VPS13D: variants seen among roughly 807,000 people sequenced by gnomAD.
The protein encoded by VPS13D is vacuolar protein sorting 13 homolog D, also known as intermembrane lipid transfer protein VPS13D.
VPS13D carries 187 observed loss-of-function variants against 461.9 expected under a neutral mutation model. The ratio of observed to expected loss-of-function variants is 0.40; its 90% CI spans 0.36 to 0.46. VPS13D has a LOEUF of 0.46. Ranked by LOEUF, VPS13D falls within the 20% of genes least tolerant of loss-of-function variation. The probability of loss-of-function intolerance (pLI) is 0.60; values close to 1 mark genes in which losing one functional copy is unlikely to be tolerated. For missense variants in VPS13D, 4,711 were observed against 5,364.9 expected, an observed-to-expected ratio of 0.88 and a Z score of 3.81; for synonymous variants, 1,951 against 1,986.3, an observed-to-expected ratio of 0.98 and a Z score of 0.47.
Position 12,322,699 on chromosome 1 carries a change from G to T in VPS13D, c.7868G>T (p.Gly2623Val). ...GTYLPGASRVGEEIREGTRHT... is the reference protein window; with the variant it reads ...GTYLPGASRVVEEIREGTRHT... ...TACCTTCCAGGTGCATCTCGCGTTG[G>T]AGAGGAAATCAGAGAAGGGACAAGA... is the stretch of plus-strand genomic sequence containing the variant. Residue 2623 changes from glycine (G) to valine (V), a missense_variant, in exon 34 of 70, where the codon GGA becomes GTA. Coordinates refer to ENST00000620676, the MANE Select transcript of VPS13D (RefSeq NM_015378.4). 6 of 1,614,174 alleles carry T rather than the reference G, an allele frequency of 3.7e-6. No individual in the cohort carries two copies. The highest frequency in any genetic ancestry group is 4.2e-6 in the Non-Finnish European group (5 of 1,180,026).
At chr1:12,449,924 A>G (rs1026455446) in intron 65 of VPS13D, among the ~76,000 whole-genome samples, 5 of 152,186 alleles carry the variant, frequency 3.3e-5, no homozygotes, top group African/African-American at 9.7e-5. Context: ...CAGGAGTTCA[A>G]GACCAACCTG....
chr1:12,336,543 G>C (rs1463715316), intron 39 of VPS13D: 5 of 152,252 alleles, frequency 3.3e-5, no homozygotes, highest in African/African-American at 4.8e-5. Context: ...GGGAGTCTTG[G>C]CTGGACTTCA....
Position 12,400,964 on chromosome 1 carries a change from A to ACG in VPS13D, c.11784+635_11784+636insGC, listed in dbSNP as rs1188068508. ...GTGAGATGTGCACCTGCGCGCGCGC[A>ACG]CACACACACACACACACACACACAC... On this transcript the variant is annotated intron_variant, in intron 61 of 69. Coordinates refer to ENST00000620676, the MANE Select transcript of VPS13D (RefSeq NM_015378.4). Among the ~76,000 whole-genome samples the ACG allele has an allele frequency of 1.9e-4, 15 of 79,502 alleles. No individual in the cohort carries two copies. The South Asian group carries it at 3.4e-3, about 18-fold the overall frequency. The allele number at this position is 79,502 out of a possible 152,430, so 52.2% of individuals were successfully genotyped here. A position where few individuals can be genotyped will look rare whatever the true frequency, so the allele number is the denominator to read the frequency against.
intron 65 of VPS13D, among the ~76,000 whole-genome samples, chr1:12,438,455 A>G (rs1645089440): frequency 6.6e-6 from 1 of 152,184 alleles, no homozygotes; most frequent in Non-Finnish European, 1.5e-5. Context: ...TTTGTAAGCC[A>G]CTCAGTTAAC....
chr1:12,499,103 G>A (rs1214264781), intron 68 of VPS13D, among the ~76,000 whole-genome samples: 1 of 151,946 alleles, frequency 6.6e-6, no homozygotes, highest in Non-Finnish European at 1.5e-5. Flanking sequence ...ATATTGCTTT[G>A]TAGATGGAAC....
At chr1:12,438,684 T>C (rs1645092154) in intron 65 of VPS13D, among the ~76,000 whole-genome samples, 1 of 152,162 alleles carries the variant, frequency 6.6e-6, no homozygotes, top group South Asian at 2.1e-4. Flanking sequence ...AATTAGATAA[T>C]GAGAGGTGTT....
chr1:12,391,204 C>T (rs556830136), intron 60 of VPS13D, among the ~76,000 whole-genome samples: 96 of 152,366 alleles, frequency 6.3e-4, no homozygotes, highest in African/African-American at 2.1e-3. Context: ...GTTCTGCTCT[C>T]TGGGAAGATT....
At chr1:12,472,850 T>C (rs1645580563) in intron 67 of VPS13D, among the ~76,000 whole-genome samples, 1 of 152,244 alleles carries the variant, frequency 6.6e-6, no homozygotes, top group Non-Finnish European at 1.5e-5. Flanking sequence ...CATTTAGGCA[T>C]CACAGCAGCT....
At chr1:12,365,451 A>G (rs769161038) in intron 52 of VPS13D, among the ~76,000 whole-genome samples, 2 of 152,222 alleles carry the variant, frequency 1.3e-5, no homozygotes, top group Non-Finnish European at 2.9e-5. Context: ...CACGCCTGTA[A>G]TCCCAGCACT....
At position 12,380,429 on chromosome 1, in the gene VPS13D, A is replaced by G. The variant is rs566421931; in HGVS notation, c.11190+833A>G. Among the ~76,000 whole-genome samples the G allele has an allele frequency of 1.3e-3, 193 of 152,270 alleles. 1 individual carries two copies. Among genetic ancestry groups the G allele is most frequent in the Non-Finnish European group, 2.3e-3 (157 of 68,026 alleles). ...TCATTTTGGCCTAAATAAGCATTGAATTGCTGTAGCAAATGTCAGAATGAA... is the reference window on the plus strand; with the variant it reads ...TCATTTTGGCCTAAATAAGCATTGAGTTGCTGTAGCAAATGTCAGAATGAA... On this transcript the variant is annotated intron_variant, in intron 57 of 69. Coordinates refer to ENST00000620676, the MANE Select transcript of VPS13D (RefSeq NM_015378.4).
chr1:12,255,951 G>A (rs1640908289), intron 7 of VPS13D, among the ~76,000 whole-genome samples: 1 of 151,220 alleles, frequency 6.6e-6, no homozygotes, highest in African/African-American at 2.4e-5. Context: ...ATACTAGAGA[G>A]TTTTATAACC....
intron 67 of VPS13D, among the ~76,000 whole-genome samples, chr1:12,465,956 G>C (rs530923706): frequency 6.6e-6 from 1 of 152,158 alleles, no homozygotes; most frequent in South Asian, 2.1e-4. Context: ...CCAACATGTC[G>C]AAACCCTGTC....
chr1:12,443,354 G>A (rs1645152923), intron 65 of VPS13D, among the ~76,000 whole-genome samples: 1 of 152,206 alleles, frequency 6.6e-6, no homozygotes, highest in African/African-American at 2.4e-5. Flanking sequence ...TTGCAGGAAT[G>A]TGCTACAGTT....
intron 26 of VPS13D, among the ~76,000 whole-genome samples, chr1:12,306,415 C>G (rs1642566545): frequency 6.6e-6 from 1 of 152,178 alleles, no homozygotes; most frequent in South Asian, 2.1e-4. Context: ...ACAGAGGGGG[C>G]TGCACCTGAG....
intron 1 of VPS13D, among the ~76,000 whole-genome samples, chr1:12,231,107 C>T (rs1639959947): frequency 6.6e-6 from 1 of 152,214 alleles, no homozygotes; most frequent in Non-Finnish European, 1.5e-5. Flanking sequence ...GGGGAGGGGC[C>T]TGGCTCAAGG....
intron 60 of VPS13D, among the ~76,000 whole-genome samples, chr1:12,399,218 A>C (rs1411120583): frequency 2.0e-5 from 3 of 147,338 alleles, no homozygotes; most frequent in Non-Finnish European, 4.5e-5. Flanking sequence ...TTTTTTTGAG[A>C]CGGAGTCTCT....
intron 60 of VPS13D, 126 bp from the exon 61 acceptor site, chr1:12,400,049 TGAGATC>T: frequency 2.1e-6 from 2 of 949,450 alleles, no homozygotes; most frequent in Non-Finnish European, 3.1e-6. Context: ...GAACTGCTAT[TGAGATC>T]GAGTGAAATG....
intron 65 of VPS13D, among the ~76,000 whole-genome samples, chr1:12,435,554 C>T (rs954093098): frequency 1.3e-5 from 2 of 152,092 alleles, no homozygotes; most frequent in South Asian, 2.1e-4. Flanking sequence ...TTTGTTTAAT[C>T]CTCATAACGA....
chr1:12,296,197 G>T (rs1488627468), intron 24 of VPS13D, among the ~76,000 whole-genome samples: 1 of 152,140 alleles, frequency 6.6e-6, no homozygotes, highest in African/African-American at 2.4e-5. Flanking sequence ...TGGAATTACT[G>T]AGCCATAGGG....
Sources: allele counts gnomAD v4.1 joint callset (sites outside exome capture counted in the v4.1 genomes callset), GRCh38; gene constraint gnomAD v4.1.1; transcripts MANE v1.5; gene names NCBI Gene and HGNC (gene_info 2026-07-23, HGNC 2026-07-21).